The following LNX1 variants were observed in gnomAD, a reference collection of about 807,000 sequenced individuals.
LNX1 encodes ligand of numb-protein X 1, also known as E3 ubiquitin-protein ligase LNX.
In LNX1, 54 loss-of-function variants were observed where a neutral mutation model predicts 68.4. The ratio of observed to expected loss-of-function variants is 0.79; its 90% CI spans 0.63 to 0.99. The LOEUF is 0.99. LNX1 is among the 50% of genes least tolerant of loss of function. The pLI, the probability that LNX1 is intolerant of heterozygous loss-of-function variation, is 0.00. For synonymous variants in LNX1, 336 were observed against 350.0 expected (o/e 0.96, Z 0.45); for missense variants, 906 against 926.4 (o/e 0.98, Z 0.29).
At chr4:53,551,701 A>G (rs1729529517) in intron 2 of LNX1, among the ~76,000 whole-genome samples, 1 of 152,136 alleles carries the variant, frequency 6.6e-6, no homozygotes, top group South Asian at 2.1e-4. Flanking sequence ...AGGTCAAACC[A>G]CCCGGCTGAT....
intron 1 of LNX1, among the ~76,000 whole-genome samples, chr4:53,579,602 G>A (rs566823277): frequency 6.6e-6 from 1 of 151,996 alleles, no homozygotes; most frequent in African/African-American, 2.4e-5. Context: ...CAACCAAGAG[G>A]GTCATTCGAG....
intron 9 of LNX1, among the ~76,000 whole-genome samples, chr4:53,469,334 C>A (rs533885159): frequency 6.6e-6 from 1 of 152,022 alleles, no homozygotes. Flanking sequence ...GGGACACATT[C>A]AAAGCAGTGT....
intron 2 of LNX1, among the ~76,000 whole-genome samples, chr4:53,546,345 C>A (rs1202135861): frequency 6.6e-6 from 1 of 152,182 alleles, no homozygotes; most frequent in East Asian, 1.9e-4. Flanking sequence ...GGTGGTCAGA[C>A]TCCATCAGAG....
intron 1 of LNX1, among the ~76,000 whole-genome samples, chr4:53,624,051 T>C (rs910611933): frequency 2.0e-5 from 3 of 152,228 alleles, no homozygotes; most frequent in African/African-American, 7.2e-5. Context: ...TTTGCTTGCC[T>C]CTCAGAGCTG....
In LNX1 at chr4:53,584,326, G is replaced by A. The variant is rs188299413; in HGVS notation, c.-87+7062C>T. Among the ~76,000 whole-genome samples the A allele has an allele frequency of 2.7e-4, 41 of 152,224 alleles. 1 individual carries two copies. Among genetic ancestry groups the A allele is most frequent in the African/African-American group, 9.1e-4 (38 of 41,540 alleles). On this transcript the variant is annotated intron_variant, in intron 1 of 10. Coordinates refer to ENST00000263925, the MANE Select transcript of LNX1 (RefSeq NM_001126328.3). Reference sequence around the variant, plus strand: ...CTTAAACTCTGTGGGAGTTCCTGTAGGGAATTCCATTTCATCTCCAATACA... The same window carrying A: ...CTTAAACTCTGTGGGAGTTCCTGTAAGGAATTCCATTTCATCTCCAATACA...
chr4:53,561,627 C>T (rs753986790), intron 2 of LNX1, among the ~76,000 whole-genome samples: 3 of 152,120 alleles, frequency 2.0e-5, no homozygotes, highest in Admixed American at 6.6e-5. Context: ...GGTCAACAGA[C>T]GATCCAGGTT....
intron 2 of LNX1, among the ~76,000 whole-genome samples, chr4:53,564,251 G>C (rs1395909874): frequency 6.6e-6 from 1 of 152,224 alleles, no homozygotes; most frequent in Non-Finnish European, 1.5e-5. Context: ...GAAATTCCCA[G>C]TCTGCTTCAG....
At chr4:53,565,355 G>A (rs1229723429) in intron 2 of LNX1, among the ~76,000 whole-genome samples, 1 of 152,026 alleles carries the variant, frequency 6.6e-6, no homozygotes, top group Non-Finnish European at 1.5e-5. Context: ...CCCCCGAGCA[G>A]CCTAACTGGG....
intron 1 of LNX1, among the ~76,000 whole-genome samples, chr4:53,651,888 C>T (rs563781715): frequency 1.3e-5 from 2 of 152,254 alleles, no homozygotes; most frequent in African/African-American, 4.8e-5. Context: ...AGTAAAGAAG[C>T]TTTTAATGAA....
intron 6 of LNX1, among the ~76,000 whole-genome samples, chr4:53,486,649 A>G (rs1724314023): frequency 6.6e-6 from 1 of 152,182 alleles, no homozygotes; most frequent in South Asian, 2.1e-4. Flanking sequence ...GGTGGGACCA[A>G]TTACTTCTGG....
chr4:53,562,611 G>C (rs1230450232), intron 2 of LNX1, among the ~76,000 whole-genome samples: 1 of 152,180 alleles, frequency 6.6e-6, no homozygotes, highest in Non-Finnish European at 1.5e-5. Context: ...TTAAAGATGT[G>C]ATTCTGTCTG....
chr4:53,463,373 A>G (rs546281501), intron 9 of LNX1, among the ~76,000 whole-genome samples: 1 of 152,020 alleles, frequency 6.6e-6, no homozygotes, highest in African/African-American at 2.4e-5. Context: ...TAAAAAGTAA[A>G]CGCCTTCTTT....
intron 1 of LNX1, among the ~76,000 whole-genome samples, chr4:53,633,261 C>T (rs1343054142): frequency 3.3e-5 from 5 of 152,168 alleles, no homozygotes; most frequent in Non-Finnish European, 7.3e-5. Context: ...ATGGCAGCTT[C>T]CCTTGCCTGC....
intron 2 of LNX1, among the ~76,000 whole-genome samples, chr4:53,516,351 A>G (rs1579452103): frequency 6.6e-6 from 1 of 152,250 alleles, no homozygotes; most frequent in East Asian, 1.9e-4. Flanking sequence ...GCATAATGTT[A>G]GACACTGTGG....
intron 9 of LNX1, among the ~76,000 whole-genome samples, chr4:53,473,364 C>T (rs1723361407): frequency 6.6e-6 from 1 of 152,186 alleles, no homozygotes; most frequent in African/African-American, 2.4e-5. Flanking sequence ...GGAAAACATG[C>T]AGCACTATTT....
intron 1 of LNX1, among the ~76,000 whole-genome samples, chr4:53,589,778 C>T (rs1732393232): frequency 6.6e-6 from 1 of 152,200 alleles, no homozygotes; most frequent in African/African-American, 2.4e-5. Context: ...GTAAATTACC[C>T]AACAGACCAA....
chr4:53,548,844 A>G (rs1033984278), intron 2 of LNX1, among the ~76,000 whole-genome samples: 2 of 152,266 alleles, frequency 1.3e-5, no homozygotes, highest in Non-Finnish European at 2.9e-5. Context: ...CTATGCAGCC[A>G]TAAAAAAGAA....
At chr4:53,577,838 T>C (rs1437591653) in intron 1 of LNX1, among the ~76,000 whole-genome samples, 1 of 152,168 alleles carries the variant, frequency 6.6e-6, no homozygotes, top group African/African-American at 2.4e-5. Context: ...AGAAATAGAG[T>C]TCTATGATTC....
At chr4:53,502,102 T>C (rs1212591319) in intron 4 of LNX1, 2 of 152,058 alleles carry the variant, frequency 1.3e-5, no homozygotes, top group Non-Finnish European at 2.9e-5. Flanking sequence ...TATTATGTCC[T>C]CACTCAAGGA....
Sources: gnomAD v4.1 joint callset for allele counts (sites outside exome capture counted in the v4.1 genomes callset) on GRCh38, gnomAD v4.1.1 for gene constraint, MANE v1.5 for transcripts, NCBI Gene and HGNC (gene_info 2026-07-23, HGNC 2026-07-21) for gene names.